Variants in LARGE1 observed in about 807,000 individuals in gnomAD.
LARGE1 encodes the protein LARGE xylosyl- and glucuronyltransferase 1.
In LARGE1, 43 loss-of-function variants were observed where a neutral mutation model predicts 87.6. The observed-to-expected ratio is 0.49, with a 90% CI of 0.38 to 0.63. The LOEUF is 0.63. Ranked by LOEUF, LARGE1 falls within the 30% of genes least tolerant of loss-of-function variation. The pLI is 0.00. For missense variants in LARGE1, 802 were observed against 1,000.2 expected, an observed-to-expected ratio of 0.80 and a Z score of 2.67; for synonymous variants, 434 against 394.6, an observed-to-expected ratio of 1.10 and a Z score of -1.18.
intron 1 of LARGE1, among the ~76,000 whole-genome samples, chr22:33,827,868 C>G (rs971563435): frequency 1.3e-5 from 2 of 152,126 alleles, no homozygotes; most frequent in Admixed American, 6.5e-5. Context: ...TTATAGAGAT[C>G]GAGGGTGGGA....
chr22:33,086,275 T>A, the LARGE1 span, among the ~76,000 whole-genome samples: 1 of 152,164 alleles, frequency 6.6e-6, no homozygotes, highest in East Asian at 1.9e-4. Flanking sequence ...GTAAAATTAT[T>A]CTTTGGCAGA....
At chr22:33,107,361 TG>T in the LARGE1 span, among the ~76,000 whole-genome samples, 15 of 152,036 alleles carry the variant, frequency 9.9e-5, no homozygotes, top group Admixed American at 2.0e-4. Flanking sequence ...CTCAGGAGTT[TG>T]GAAGCAGCCT....
At chr22:33,239,535 C>CTTTTTTTTTTTTTTTTTTTTTT (rs71187254) in intron 11 of LARGE1, among the ~76,000 whole-genome samples, 7 of 95,314 alleles carry the variant, frequency 7.3e-5, no homozygotes, top group Non-Finnish European at 1.0e-4. Flanking sequence ...TTTTTCTTTT[C>CTTTTTTTTTTTTTTTTTTTTTT]TTTTTTTTTT....
chr22:33,685,480 C>T (rs2081917078), intron 2 of LARGE1, among the ~76,000 whole-genome samples: 2 of 152,066 alleles, frequency 1.3e-5, no homozygotes, highest in African/African-American at 4.8e-5. Flanking sequence ...CAGCATTTCC[C>T]AAAGCAGATA....
chr22:33,305,545 C>T (rs1385992319), intron 11 of LARGE1: 10 of 978,434 alleles, frequency 1.0e-5, no homozygotes, highest in East Asian at 2.3e-4. Flanking sequence ...GCAAGAGGTA[C>T]GTAATCAGCA....
intron 12 of LARGE1, among the ~76,000 whole-genome samples, chr22:33,285,410 G>C (rs1293573459): frequency 6.6e-6 from 1 of 152,150 alleles, no homozygotes; most frequent in Non-Finnish European, 1.5e-5. Context: ...CGGATCACAA[G>C]GTCAGGAGTT....
At position 33,592,308 on chromosome 22, in the gene LARGE1, T is replaced by C. The variant is rs143517075; in HGVS notation, c.615+12127A>G. On this transcript the variant is annotated intron_variant, in intron 5 of 14. Transcript: ENST00000397394. Reference sequence around the variant, plus strand: ...TGTGGCTATCTAATAGTTCATTTTATTATTATTATTATTTTTTTCTGTCTC... The same window carrying C: ...TGTGGCTATCTAATAGTTCATTTTACTATTATTATTATTTTTTTCTGTCTC... Among the ~76,000 whole-genome samples the C allele has an allele frequency of 8.0e-4, 122 of 152,258 alleles. 2 individuals carry two copies. The highest frequency in any genetic ancestry group is 2.7e-3 in the African/African-American group (111 of 41,550).
At chr22:33,816,765 G>A (rs2086666390) in intron 1 of LARGE1, among the ~76,000 whole-genome samples, 1 of 152,050 alleles carries the variant, frequency 6.6e-6, no homozygotes, top group East Asian at 1.9e-4. Context: ...GACAGACAAT[G>A]TTTTTGGGGC....
chr22:33,366,738 C>T (rs1276495780), intron 9 of LARGE1, among the ~76,000 whole-genome samples: 1 of 152,168 alleles, frequency 6.6e-6, no homozygotes, highest in Non-Finnish European at 1.5e-5. Flanking sequence ...AATTACACCT[C>T]TTTCCTTTAT....
intron 5 of LARGE1, among the ~76,000 whole-genome samples, chr22:33,588,534 TGC>T (rs1491580920): frequency 1.4e-5 from 2 of 145,800 alleles, no homozygotes; most frequent in Admixed American, 6.8e-5. Context: ...TGTGTGTGTG[TGC>T]GCACGCACGC....
intron 5 of LARGE1, among the ~76,000 whole-genome samples, chr22:33,598,513 T>G (rs1356320231): frequency 6.6e-6 from 1 of 152,132 alleles, no homozygotes; most frequent in African/African-American, 2.4e-5. Context: ...CCTAATGCTA[T>G]CCCTCCCCCA....
rs548070832 is a variant in LARGE1 at position 33,542,872 on chromosome 22, A to G, written c.787+21976T>C. Reference sequence around the variant, plus strand: ...GTAGAGGGACTCGCCTACAGCTAGTAAAGATGAAACACAGACTTCTGTCCA... The same window carrying G: ...GTAGAGGGACTCGCCTACAGCTAGTGAAGATGAAACACAGACTTCTGTCCA... On this transcript the variant is annotated intron_variant, in intron 6 of 14. Transcript: ENST00000397394. Among the ~76,000 whole-genome samples, 9 of 152,282 alleles carry G rather than the reference A, an allele frequency of 5.9e-5. No individual in the cohort carries two copies. In the South Asian group the frequency reaches 1.9e-3, roughly 32 times the overall value.
chr22:33,311,473 A>G (rs1049693702), intron 11 of LARGE1, among the ~76,000 whole-genome samples: 4 of 152,232 alleles, frequency 2.6e-5, no homozygotes, highest in African/African-American at 4.8e-5. Context: ...CAGAGAGGTG[A>G]GAAACATTAA....
intron 1 of LARGE1, among the ~76,000 whole-genome samples, chr22:33,775,271 T>C (rs925212130): frequency 3.3e-5 from 5 of 152,170 alleles, no homozygotes; most frequent in Non-Finnish European, 5.9e-5. Context: ...TTCTCTCAAT[T>C]TGGTAGCAAA....
chr22:33,109,988 C>T, the LARGE1 span, among the ~76,000 whole-genome samples: 1 of 152,318 alleles, frequency 6.6e-6, no homozygotes, highest in African/African-American at 2.4e-5. Flanking sequence ...CTGTAAATCA[C>T]CCAGTCTCAG....
intron 11 of LARGE1, among the ~76,000 whole-genome samples, chr22:33,186,378 C>A (rs1238625503): frequency 6.6e-6 from 1 of 152,106 alleles, no homozygotes; most frequent in Non-Finnish European, 1.5e-5. Context: ...GTAGCTACTG[C>A]ATTAACAGAA....
intron 9 of LARGE1, 22 bp from the exon 10 acceptor site, chr22:33,337,823 G>C (rs1938653774): frequency 6.2e-7 from 1 of 1,614,030 alleles, no homozygotes; most frequent in Non-Finnish European, 8.5e-7. Context: ...ATAAGGAAGT[G>C]GTCAGGTATG....
rs548137360 is a variant in LARGE1 at position 33,863,023 on chromosome 22, C to T, written c.-83+56972G>A. Among the ~76,000 whole-genome samples the T allele has an allele frequency of 9.9e-5, 15 of 152,220 alleles. No individual in the cohort carries two copies. In the South Asian group the frequency reaches 1.2e-3, roughly 13 times the overall value. On this transcript the variant is annotated intron_variant, in intron 1 of 14. Transcript: ENST00000397394. ...AGGCACAGAAGTCAATTAAGCTGTC[C>T]GAGAGCATAGGAATGTGTTGCAGAA...
chr22:33,384,417 A>G, intron 7 of LARGE1, 113 bp from the exon 8 acceptor site: 1 of 798,554 alleles, frequency 1.3e-6, no homozygotes, highest in Non-Finnish European at 2.1e-6. Context: ...TCTTATGCAG[A>G]CAAGAGGCCT....
Sources: allele counts gnomAD v4.1 joint callset (sites outside exome capture counted in the v4.1 genomes callset), GRCh38; gene constraint gnomAD v4.1.1; transcripts MANE v1.5; gene names NCBI Gene and HGNC (gene_info 2026-07-23, HGNC 2026-07-21).